SLAIN1: variants seen among roughly 807,000 people sequenced by gnomAD.
SLAIN1 encodes the protein SLAIN family member 1, also known as SLAIN motif-containing protein 1.
In SLAIN1, 17 loss-of-function variants were observed where a neutral mutation model predicts 55.4. The ratio of observed to expected loss-of-function variants is 0.31; its 90% confidence interval spans 0.21 to 0.46. The LOEUF (loss-of-function observed/expected upper bound fraction) is 0.46, where lower values mean the gene tolerates loss of function less well. Ranked by LOEUF, SLAIN1 falls within the 20% of genes least tolerant of loss-of-function variation. The pLI is 1.00. For missense variants in SLAIN1, 682 were observed against 785.1 expected (o/e 0.87, Z 1.57); for synonymous variants, 348 against 337.4 (o/e 1.03, Z -0.35).
chr13:77,706,938 T>A (rs1286552071), intron 1 of SLAIN1, among the ~76,000 whole-genome samples: 1 of 152,200 alleles, frequency 6.6e-6, no homozygotes, highest in African/African-American at 2.4e-5. Context: ...GACTTTTTCT[T>A]TTGCTTCCTT....
chr13:77,712,003 G>A (rs115519087), intron 1 of SLAIN1, among the ~76,000 whole-genome samples: 2,551 of 152,128 alleles, frequency 0.017, 70 homozygotes, highest in African/African-American at 0.057. Flanking sequence ...AAAAGGCATC[G>A]ATAAAATTTA....
intron 2 of SLAIN1, among the ~76,000 whole-genome samples, chr13:77,723,309 T>A (rs2091278883): frequency 6.6e-6 from 1 of 152,190 alleles, no homozygotes; most frequent in African/African-American, 2.4e-5. Context: ...TTTCTTTTGC[T>A]TATCCTGGGA....
intron 2 of SLAIN1, among the ~76,000 whole-genome samples, chr13:77,726,135 G>C (rs1418638607): frequency 6.6e-6 from 1 of 152,128 alleles, no homozygotes; most frequent in Non-Finnish European, 1.5e-5. Context: ...GTGAGAACAA[G>C]CTTATTAGAA....
At chr13:77,758,151 T>C (rs971138519) in intron 5 of SLAIN1, among the ~76,000 whole-genome samples, 14 of 152,174 alleles carry the variant, frequency 9.2e-5, no homozygotes, top group Non-Finnish European at 1.9e-4. Flanking sequence ...TATCTCATTG[T>C]GGTTTTAATT....
chr13:77,761,980 A>T (rs1010231509), intron 6 of SLAIN1, among the ~76,000 whole-genome samples: 1 of 152,156 alleles, frequency 6.6e-6, no homozygotes, highest in Non-Finnish European at 1.5e-5. Context: ...TGGAACAAGC[A>T]ATTTTTTTCT....
intron 2 of SLAIN1, among the ~76,000 whole-genome samples, chr13:77,722,454 CT>C (rs1447921804): frequency 2.6e-5 from 4 of 152,062 alleles, no homozygotes; most frequent in African/African-American, 9.7e-5. Flanking sequence ...CTCTCATGCC[CT>C]TTTTATTTCC....
intron 1 of SLAIN1, among the ~76,000 whole-genome samples, chr13:77,706,193 G>C (rs2091088457): frequency 6.6e-6 from 1 of 152,070 alleles, no homozygotes; most frequent in African/African-American, 2.4e-5. Context: ...TATGAAAGAA[G>C]AAAACTTAGC....
chr13:77,717,132 TA>T (rs575138900), intron 1 of SLAIN1, among the ~76,000 whole-genome samples: 36 of 152,300 alleles, frequency 2.4e-4, no homozygotes, highest in African/African-American at 7.5e-4. Flanking sequence ...TGATAAGTTA[TA>T]TTGATGTTTG....
In SLAIN1 at chr13:77,721,369, C is replaced by G. The variant is rs191461157; in HGVS notation, c.766+1698C>G. On this transcript the variant is annotated intron_variant, in intron 2 of 6. Transcript: ENST00000418532. ...CCTTTCTTTATAAATTACCCAGTCT[C>G]AGGTAGTATCTTTGTAGCAGTGTGA... is the stretch of plus-strand genomic sequence containing the variant. Among the ~76,000 whole-genome samples the G allele has an allele frequency of 1.5e-4, 23 of 152,272 alleles. No individual in the cohort carries two copies. The East Asian group carries it at 3.5e-3, about 23-fold the overall frequency.
intron 2 of SLAIN1, among the ~76,000 whole-genome samples, chr13:77,743,906 A>G (rs1873627791): frequency 6.6e-6 from 1 of 152,064 alleles, no homozygotes; most frequent in Admixed American, 6.6e-5. Context: ...TTATTAAAGT[A>G]TACATGAATA....
At chr13:77,755,665 A>G (rs1874546988) in intron 5 of SLAIN1, among the ~76,000 whole-genome samples, 1 of 152,208 alleles carries the variant, frequency 6.6e-6, no homozygotes, top group African/African-American at 2.4e-5. Flanking sequence ...ATAAATATGC[A>G]TGGGTTCATA....
Position 77,698,812 on chromosome 13 carries a change from C to A in SLAIN1, c.626+273C>A. The A allele has an allele frequency of 7.1e-7, 1 of 1,415,776 alleles. No homozygotes were observed. Among genetic ancestry groups the A allele is most frequent in the Non-Finnish European group, 9.4e-7 (1 of 1,067,162 alleles). The allele number at this position is 1,415,776 out of a possible 1,614,324, so 87.7% of individuals were successfully genotyped here. ...CATCTGCCATGGGTTCTGCTATTTG[C>A]TGATTGTTGGGTCCCAAGCTCCTCG... On this transcript the variant is annotated intron_variant, in intron 1 of 6. Coordinates refer to ENST00000418532, the MANE Select transcript of SLAIN1 (RefSeq NM_001242868.2). This position sits in a 1 kb window ranked among gnomAD's most constrained non-coding sequence, Gnocchi z 4.1.
At chr13:77,743,182 T>C (rs1043783929) in intron 2 of SLAIN1, 6 of 1,295,346 alleles carry the variant, frequency 4.6e-6, no homozygotes, top group Admixed American at 4.7e-5. Flanking sequence ...TTTTAACTTC[T>C]TGACTAGCTG....
At chr13:77,735,908 G>A (rs1873094804) in intron 2 of SLAIN1, among the ~76,000 whole-genome samples, 1 of 151,818 alleles carries the variant, frequency 6.6e-6, no homozygotes, top group Non-Finnish European at 1.5e-5. Flanking sequence ...CAGTCACTGG[G>A]GTGGTTTTTT....
At chr13:77,747,857 T>G (rs969244021) in intron 4 of SLAIN1, among the ~76,000 whole-genome samples, 53 of 152,192 alleles carry the variant, frequency 3.5e-4, no homozygotes, top group Non-Finnish European at 3.4e-4. Context: ...TTGCAGAAGT[T>G]GGACTCTGAC....
At chr13:77,741,291 A>T in intron 2 of SLAIN1, 6 of 987,450 alleles carry the variant, frequency 6.1e-6, no homozygotes, top group Non-Finnish European at 7.2e-6. Flanking sequence ...ATAGAGATTG[A>T]ACATGTGAGA....
At chr13:77,739,613 T>C (rs909589694) in intron 2 of SLAIN1, among the ~76,000 whole-genome samples, 20 of 152,100 alleles carry the variant, frequency 1.3e-4, no homozygotes, top group African/African-American at 4.3e-4. Context: ...GACATGTCTA[T>C]TTAACAACAA....
At position 77,746,087 on chromosome 13, in the gene SLAIN1, T is replaced by C. The variant is rs185887491; in HGVS notation, c.917-427T>C. Among the ~76,000 whole-genome samples, 307 of 152,102 alleles carry C rather than the reference T, an allele frequency of 2.0e-3. 2 individuals carry two copies. Among genetic ancestry groups the C allele is most frequent in the African/African-American group, 6.5e-3 (271 of 41,510 alleles). On this transcript the variant is annotated intron_variant, in intron 3 of 6. Coordinates refer to ENST00000418532, the MANE Select transcript of SLAIN1 (RefSeq NM_001242868.2). ...TAAACTTTCCCTTTGACTTTAAAAG[T>C]TGGGGGTGGGGAGCAGAATGACTTC...
At chr13:77,753,658 T>C (rs1455326435) in intron 5 of SLAIN1, among the ~76,000 whole-genome samples, 2 of 152,186 alleles carry the variant, frequency 1.3e-5, no homozygotes, top group Non-Finnish European at 2.9e-5. Flanking sequence ...AGTAAATTAT[T>C]TGTAGTCCTT....
Sources: gnomAD v4.1 joint callset for allele counts (sites outside exome capture counted in the v4.1 genomes callset) on GRCh38, gnomAD v4.1.1 for gene constraint, Gnocchi (gnomAD v3.1) non-coding constraint, MANE v1.5 for transcripts, NCBI Gene and HGNC (gene_info 2026-07-23, HGNC 2026-07-21) for gene names.